MARS1: variants seen among roughly 807,000 people sequenced by gnomAD.
The protein encoded by MARS1 is methionyl-tRNA synthetase 1, also known as methionine--tRNA ligase, cytoplasmic.
In MARS1, 80 loss-of-function variants were observed where a neutral mutation model predicts 119.5. The ratio of observed to expected loss-of-function variants is 0.67; its 90% CI spans 0.56 to 0.81. MARS1 has a LOEUF of 0.81. Ranked by LOEUF, MARS1 falls within the 30% of genes least tolerant of loss-of-function variation. The pLI, the probability that MARS1 is intolerant of heterozygous loss-of-function variation, is 0.00. For synonymous variants in MARS1, 418 were observed against 433.4 expected (o/e 0.96, Z 0.44); for missense variants, 945 against 1,116.5 (o/e 0.85, Z 2.19).
Position 57,504,220 on chromosome 12 carries a change from C to A in MARS1, c.1294-5C>A, listed in dbSNP as rs149946100. 6.2e-7 allele frequency: 1 copy of A among 1,613,132 alleles called. No individual in the cohort carries two copies. The highest frequency in any genetic ancestry group is 8.5e-7 in the Non-Finnish European group (1 of 1,179,152). ...TGATCTGTCCTCTGGAATTTTCCTTCGCAGAAGCCTCAGTGTAAAGTCTGC... is the reference window on the plus strand; with the variant it reads ...TGATCTGTCCTCTGGAATTTTCCTTAGCAGAAGCCTCAGTGTAAAGTCTGC... On this transcript the variant is annotated splice_region_variant and splice_polypyrimidine_tract_variant and intron_variant, in intron 10 of 20. Coordinates refer to ENST00000262027, the MANE Select transcript of MARS1 (RefSeq NM_004990.4).
chr12:57,489,704 T>C, intron 4 of MARS1, 146 bp downstream of exon 4: 1 of 1,234,490 alleles, frequency 8.1e-7, no homozygotes, highest in Non-Finnish European at 1.1e-6. Context: ...TAATCCTCAA[T>C]TTTTTTCAGT....
chr12:57,505,350 T>TG (rs759489955), intron 11 of MARS1, among the ~76,000 whole-genome samples: 1 of 150,554 alleles, frequency 6.6e-6, no homozygotes, highest in Non-Finnish European at 1.5e-5. Context: ...TTAGTAGAGA[T>TG]GGGGTTTCAC....
At chr12:57,511,261 G>A (rs1266218559) in intron 11 of MARS1, among the ~76,000 whole-genome samples, 7 of 152,072 alleles carry the variant, frequency 4.6e-5, no homozygotes, top group East Asian at 3.8e-4. Flanking sequence ...GATTACAGGC[G>A]CAAGCCACTG....
rs35515685 is a variant in MARS1, at chr12:57,502,705, C to CAA, written c.1294-1504_1294-1503dup. Reference sequence around the variant, plus strand: ...TGGGCGACAGAGCGAGATTTTGTCTCAAAAAAAAAAAAAAAAAGCAACAAC... The same window carrying CAA: ...TGGGCGACAGAGCGAGATTTTGTCTCAAAAAAAAAAAAAAAAAAAGCAACAAC... On this transcript the variant is annotated intron_variant, in intron 10 of 20. Transcript: ENST00000262027. Among the ~76,000 whole-genome samples, 29 of 47,986 alleles carry CAA rather than the reference C, an allele frequency of 6.0e-4. 2 individuals are homozygous for CAA. Among genetic ancestry groups the CAA allele is most frequent in the African/African-American group, 1.5e-3 (22 of 15,054 alleles). The allele number at this position is 47,986 out of a possible 152,430, so 31.5% of individuals were successfully genotyped here.
intron 7 of MARS1, among the ~76,000 whole-genome samples, chr12:57,492,699 A>G (rs1455554299): frequency 6.6e-6 from 1 of 151,684 alleles, no homozygotes; most frequent in African/African-American, 2.4e-5. Context: ...ACACACACAC[A>G]CACACACACA....
chr12:57,492,140 A>AC (rs200892271), intron 7 of MARS1, among the ~76,000 whole-genome samples: 5,485 of 151,800 alleles, frequency 0.036, 331 homozygotes, highest in African/African-American at 0.12. Context: ...TTAGCCGGGC[A>AC]TTGTGGCGGG....
intron 11 of MARS1, among the ~76,000 whole-genome samples, chr12:57,507,845 A>G (rs1482976250): frequency 2.2e-5 from 3 of 136,738 alleles, no homozygotes; most frequent in Non-Finnish European, 4.6e-5. Flanking sequence ...CCGGGCGGAG[A>G]CGCTCCTCAC....
At chr12:57,503,280 C>T (rs1451619870) in intron 10 of MARS1, among the ~76,000 whole-genome samples, 1 of 148,004 alleles carries the variant, frequency 6.8e-6, no homozygotes, top group East Asian at 2.0e-4. Context: ...GTTGCCCGGG[C>T]TGGAGTGCAA....
intron 7 of MARS1, among the ~76,000 whole-genome samples, chr12:57,491,188 C>T (rs1009626593): frequency 7.2e-5 from 11 of 152,158 alleles, no homozygotes; most frequent in African/African-American, 2.7e-4. Flanking sequence ...CCATGTTTTT[C>T]AGCTACTTTT....
intron 7 of MARS1, among the ~76,000 whole-genome samples, chr12:57,496,355 G>A (rs1360051548): frequency 1.3e-5 from 2 of 151,262 alleles, no homozygotes; most frequent in African/African-American, 4.9e-5. Flanking sequence ...TAGTAGAGAC[G>A]GGGTTTTACC....
In MARS1 at chr12:57,496,486, A is replaced by T. The variant is rs141016011; in HGVS notation, c.771-1671A>T. On this transcript the variant is annotated intron_variant, in intron 7 of 20. Coordinates refer to ENST00000262027, the MANE Select transcript of MARS1 (RefSeq NM_004990.4). Reference sequence around the variant, plus strand: ...CCAATACTAAGCACTTTCAAGGCTCATATAGAATAGGAAGTACTGCCGTGG... The same window carrying T: ...CCAATACTAAGCACTTTCAAGGCTCTTATAGAATAGGAAGTACTGCCGTGG... 3.4e-3 allele frequency among the ~76,000 whole-genome samples: 523 copies of T among 151,920 alleles called. 36 individuals are homozygous for T. The South Asian group carries it at 0.1, about 30-fold the overall frequency.
At chr12:57,507,952 C>G (rs990644208) in intron 11 of MARS1, among the ~76,000 whole-genome samples, 1 of 151,044 alleles carries the variant, frequency 6.6e-6, no homozygotes, top group African/African-American at 2.4e-5. Flanking sequence ...GATGGGGCGG[C>G]TGCCGGGCGG....
rs183195960 is a variant in MARS1 at position 57,489,410 on chromosome 12, C to T, written c.280-14C>T. On this transcript the variant is annotated splice_polypyrimidine_tract_variant and intron_variant, in intron 3 of 20. Transcript: ENST00000262027. The stretch of plus-strand genomic sequence containing the variant: ...TCTGCGTGGCCATCCTGACTCATGT[C>T]CCCTGCATTTTAGCCAGCTTTGTCT... 3.3e-3 allele frequency: 5,362 copies of T among 1,614,130 alleles called. 14 individuals carry two copies. Among genetic ancestry groups the T allele is most frequent in the Non-Finnish European group, 4.0e-3 (4,747 of 1,180,034 alleles).
chr12:57,496,951 C>G (rs935009942), intron 7 of MARS1, among the ~76,000 whole-genome samples: 1 of 152,278 alleles, frequency 6.6e-6, no homozygotes, highest in African/African-American at 2.4e-5. Flanking sequence ...TGCACCTCTT[C>G]ATTACACTGA....
chr12:57,512,304 C>G lies in MARS1; in HGVS notation c.1704C>G (p.Ala568=), dbSNP rs1431544054. The G allele has an allele frequency of 6.2e-7, 1 of 1,613,948 alleles. No individual in the cohort carries two copies. The highest frequency in any genetic ancestry group is 8.5e-7 in the Non-Finnish European group (1 of 1,180,014). The change falls in exon 14 of 21, where the codon GCC becomes GCG. Residue 568 remains alanine (A), a synonymous_variant. Transcript: ENST00000262027. The stretch of plus-strand genomic sequence containing the variant: ...ATAGCTTAGTCTTTCCTTGCTCAGC[C>G]CTAGGAGCTGAGGATAACTATACCT... ...PFHSLVFPCS[A]LGAEDNYTLV...
At chr12:57,506,220 T>C (rs1172881146) in intron 11 of MARS1, among the ~76,000 whole-genome samples, 2 of 152,064 alleles carry the variant, frequency 1.3e-5, no homozygotes, top group Non-Finnish European at 2.9e-5. Context: ...GATTGAACCA[T>C]TGCACTGCAG....
At chr12:57,488,465 T>C in intron 1 of MARS1, 1 of 1,166,458 alleles carries the variant, frequency 8.6e-7, no homozygotes, top group Non-Finnish European at 1.2e-6. Flanking sequence ...AGTAAACTGC[T>C]CTTCCCTTCC....
At chr12:57,502,317 C>T (rs1199726437) in intron 10 of MARS1, among the ~76,000 whole-genome samples, 1 of 152,004 alleles carries the variant, frequency 6.6e-6, no homozygotes, top group Non-Finnish European at 1.5e-5. Flanking sequence ...GATAGCCAGG[C>T]AGAGAAGTCA....
chr12:57,516,637 G>A lies in MARS1; in HGVS notation c.*56G>A, dbSNP rs1655656168. 6 of 1,530,560 alleles carry A rather than the reference G, an allele frequency of 3.9e-6. No individual in the cohort carries two copies. Among genetic ancestry groups the A allele is most frequent in the Non-Finnish European group, 5.2e-6 (6 of 1,143,288 alleles). 94.8% of individuals were successfully genotyped at this position (1,530,560 alleles called of 1,614,324 possible). A position where few individuals can be genotyped will look rare whatever the true frequency, so the allele number is the denominator to read the frequency against. ...TAGATAGGGACAGTAATAAATAAAT[G>A]TACAATCTCTATATACAAGCTGAGA... is the stretch of plus-strand genomic sequence containing the variant. On this transcript the variant is annotated 3_prime_UTR_variant, in exon 21 of 21. Transcript: ENST00000262027.
Sources: gnomAD v4.1 joint callset for allele counts (sites outside exome capture counted in the v4.1 genomes callset) on GRCh38, gnomAD v4.1.1 for gene constraint, MANE v1.5 for transcripts, NCBI Gene and HGNC (gene_info 2026-07-23, HGNC 2026-07-21) for gene names.